The following UBE2K variants were observed in gnomAD, a reference collection of about 807,000 sequenced individuals.
UBE2K encodes ubiquitin conjugating enzyme E2 K.
In UBE2K, 6 loss-of-function variants were observed where a neutral mutation model predicts 30.0. The ratio of observed to expected loss-of-function variants is 0.20; its 90% CI spans 0.11 to 0.39. The LOEUF (loss-of-function observed/expected upper bound fraction) is 0.39, where lower values mean the gene tolerates loss of function less well. UBE2K is among the 10% of genes least tolerant of loss of function. The pLI, the probability that UBE2K is intolerant of heterozygous loss-of-function variation, is 1.00. For synonymous variants in UBE2K, 86 were observed against 83.7 expected (o/e 1.03, Z -0.15); for missense variants, 61 against 241.6 (o/e 0.25, Z 4.96).
At chr4:39,723,226 A>C (rs898040720) in intron 1 of UBE2K, among the ~76,000 whole-genome samples, 8 of 147,680 alleles carry the variant, frequency 5.4e-5, no homozygotes, top group African/African-American at 2.0e-4. Context: ...TTTTTTTTTA[A>C]GTAGAGACAG....
At chr4:39,709,150 C>T (rs866065919) in intron 1 of UBE2K, among the ~76,000 whole-genome samples, 4 of 151,760 alleles carry the variant, frequency 2.6e-5, no homozygotes, top group Non-Finnish European at 5.9e-5. Context: ...AGAGTCCTTG[C>T]GGTGCTTAGA....
intron 1 of UBE2K, among the ~76,000 whole-genome samples, chr4:39,722,745 A>C (rs7661070): frequency 0.52 from 79,378 of 151,334 alleles, 21,568 homozygotes; most frequent in Admixed American, 0.65. Flanking sequence ...TTTCCTCATA[A>C]ATGTTATAAG....
intron 1 of UBE2K, among the ~76,000 whole-genome samples, chr4:39,700,833 G>A (rs1384929235): frequency 6.6e-6 from 1 of 152,190 alleles, no homozygotes; most frequent in African/African-American, 2.4e-5. Context: ...TTCTGGTTAT[G>A]AGAGATTATA....
intron 1 of UBE2K, among the ~76,000 whole-genome samples, chr4:39,723,079 T>C (rs573374023): frequency 2.6e-5 from 4 of 151,736 alleles, no homozygotes; most frequent in Non-Finnish European, 4.4e-5. Context: ...AGTGTCTCAC[T>C]GTCACCCAGA....
intron 4 of UBE2K, chr4:39,771,087 C>G: frequency 1.2e-6 from 2 of 1,612,720 alleles, no homozygotes; most frequent in Non-Finnish European, 1.7e-6. Context: ...TCTGGCATTT[C>G]TCCACCACGT....
At chr4:39,737,346 G>T in intron 1 of UBE2K, 74 bp from the exon 2 acceptor site, 1 of 851,300 alleles carries the variant, frequency 1.2e-6, no homozygotes, top group East Asian at 3.0e-5. Context: ...GGGGTTTCAA[G>T]ATTTTTTATA....
chr4:39,738,746 T>G (rs1720510051), intron 2 of UBE2K, among the ~76,000 whole-genome samples: 1 of 150,828 alleles, frequency 6.6e-6, no homozygotes, highest in Non-Finnish European at 1.5e-5. Flanking sequence ...GGTGAAATCT[T>G]GGCTCACTGC....
intron 1 of UBE2K, among the ~76,000 whole-genome samples, chr4:39,710,442 A>T (rs996749408): frequency 1.9e-4 from 29 of 151,474 alleles, no homozygotes; most frequent in African/African-American, 6.5e-4. Flanking sequence ...CTTTTTTAAA[A>T]TTTTTTGTGG....
intron 1 of UBE2K, among the ~76,000 whole-genome samples, chr4:39,706,739 A>G (rs1718389491): frequency 1.3e-5 from 2 of 151,860 alleles, no homozygotes; most frequent in South Asian, 2.1e-4. Context: ...AGCCAAGACT[A>G]TATACTCTTA....
intron 1 of UBE2K, among the ~76,000 whole-genome samples, chr4:39,733,051 GAAAAAAAA>G (rs59978380): frequency 1.0e-5 from 1 of 97,062 alleles, no homozygotes; most frequent in East Asian, 3.4e-4. Flanking sequence ...GGAACATCAG[GAAAAAAAA>G]AAAAAAAAAA....
intron 1 of UBE2K, among the ~76,000 whole-genome samples, chr4:39,718,451 C>G (rs1578431133): frequency 6.6e-6 from 1 of 152,258 alleles, no homozygotes. Flanking sequence ...GCTGGCCTCA[C>G]CCAGTGGATC....
intron 1 of UBE2K, among the ~76,000 whole-genome samples, chr4:39,734,733 G>C (rs780675881): frequency 1.3e-5 from 2 of 152,194 alleles, no homozygotes; most frequent in East Asian, 1.9e-4. Flanking sequence ...AATCACCTGA[G>C]CTTGGGAAGT....
chr4:39,719,018 C>T (rs1719273133), intron 1 of UBE2K, among the ~76,000 whole-genome samples: 1 of 152,222 alleles, frequency 6.6e-6, no homozygotes, highest in Non-Finnish European at 1.5e-5. Context: ...GAGGAGGCAC[C>T]AAGAGTGAGC....
Position 39,698,228 on chromosome 4 carries a change from A to T in UBE2K, c.-100A>T, listed in dbSNP as rs1717799086. 1 of 1,197,570 alleles carries T rather than the reference A, an allele frequency of 8.4e-7. No homozygotes were observed. Among genetic ancestry groups the T allele is most frequent in the Admixed American group, 2.0e-5 (1 of 50,724 alleles). 74.2% of individuals were successfully genotyped at this position (1,197,570 alleles called of 1,614,324 possible). On this transcript the variant is annotated 5_prime_UTR_variant, in exon 1 of 7. Coordinates refer to ENST00000261427, the MANE Select transcript of UBE2K (RefSeq NM_005339.5). ...GGCAGTGTTCGTGTGCTCAGGTCTG[A>T]ATCGCCGAGGGAGGAGGCGGTGGAG...
At chr4:39,773,337 A>T (rs113637436) in intron 4 of UBE2K, among the ~76,000 whole-genome samples, 12 of 151,832 alleles carry the variant, frequency 7.9e-5, no homozygotes, top group African/African-American at 2.9e-4. Flanking sequence ...GCATGGTGGC[A>T]TGTGCCTGTA....
chr4:39,745,850 T>G lies in UBE2K; in HGVS notation c.216+40T>G, dbSNP rs752696182. The G allele has an allele frequency of 2.8e-6, 4 of 1,445,956 alleles. No homozygotes were observed. The East Asian group carries it at 9.4e-5, about 34-fold the overall frequency. 89.6% of individuals were successfully genotyped at this position (1,445,956 alleles called of 1,614,324 possible). On this transcript the variant is annotated intron_variant, in intron 3 of 6. Transcript: ENST00000261427. The stretch of plus-strand genomic sequence containing the variant: ...TTTTTGTGCATGAAGTTACAAAATA[T>G]TTTATATTTCTGACCTCATTTTATT...
At chr4:39,770,754 C>T in intron 4 of UBE2K, 1 of 1,583,358 alleles carries the variant, frequency 6.3e-7, no homozygotes, top group Non-Finnish European at 8.6e-7. Flanking sequence ...CAGGCCCCCT[C>T]CCAGGCCTCC....
At chr4:39,773,287 G>A (rs1212318233) in intron 4 of UBE2K, among the ~76,000 whole-genome samples, 1 of 151,268 alleles carries the variant, frequency 6.6e-6, no homozygotes. Flanking sequence ...GTGTCTCACG[G>A]TGAAACCCTG....
chr4:39,759,456 CTAT>C (rs1285831975), intron 4 of UBE2K, among the ~76,000 whole-genome samples: 1 of 151,876 alleles, frequency 6.6e-6, no homozygotes, highest in Non-Finnish European at 1.5e-5. Flanking sequence ...TAATTTTTTT[CTAT>C]TTTTAGTAGA....
Sources: gnomAD v4.1 joint callset for allele counts (sites outside exome capture counted in the v4.1 genomes callset) on GRCh38, gnomAD v4.1.1 for gene constraint, MANE v1.5 for transcripts, NCBI Gene and HGNC (gene_info 2026-07-23, HGNC 2026-07-21) for gene names.